The following HYDIN variants were observed in gnomAD, a reference collection of about 807,000 sequenced individuals.
The protein encoded by HYDIN is HYDIN axonemal central pair apparatus protein.
HYDIN carries 132 observed loss-of-function variants against 403.9 expected under a neutral mutation model. The observed-to-expected ratio is 0.33, with a 90% CI of 0.28 to 0.38. The LOEUF (loss-of-function observed/expected upper bound fraction) is 0.38. Among genes scored for constraint, HYDIN ranks in the 10% least tolerant of loss-of-function variants. The probability of loss-of-function intolerance (pLI) is 1.00; values close to 1 mark genes in which losing one functional copy is unlikely to be tolerated. For synonymous variants in HYDIN, 1,202 were observed against 1,891.7 expected, an observed-to-expected ratio of 0.64 and a Z score of 9.46; for missense variants, 2,827 against 5,009.5, an observed-to-expected ratio of 0.56 and a Z score of 13.15.
intron 50 of HYDIN, among the ~76,000 whole-genome samples, chr16:70,906,117 C>T (rs1013114760): frequency 2.0e-5 from 3 of 151,506 alleles, no homozygotes; most frequent in Non-Finnish European, 2.9e-5. Flanking sequence ...GGTTTCACTC[C>T]CTGCCTATAT....
At chr16:71,042,263 C>T (rs4788509) in intron 18 of HYDIN, among the ~76,000 whole-genome samples, 1 of 152,206 alleles carries the variant, frequency 6.6e-6, no homozygotes, top group Admixed American at 6.5e-5. Context: ...ATCCACTCTC[C>T]CATTTTTCCC....
At chr16:70,943,424 TTA>T (rs1316982886) in intron 42 of HYDIN, among the ~76,000 whole-genome samples, 2 of 152,160 alleles carry the variant, frequency 1.3e-5, no homozygotes, top group Non-Finnish European at 2.9e-5. Context: ...TAGAATGTTA[TTA>T]TGTTTTAACC....
intron 38 of HYDIN, among the ~76,000 whole-genome samples, chr16:70,960,324 T>C (rs938989738): frequency 6.6e-6 from 1 of 150,730 alleles, no homozygotes; most frequent in Non-Finnish European, 1.5e-5. Context: ...GCCATGTCCT[T>C]TGATTACATA....
chr16:70,833,111 T>C (rs554235632), intron 79 of HYDIN, 44 bp from the exon 80 acceptor site: 4 of 1,542,350 alleles, frequency 2.6e-6, no homozygotes, highest in South Asian at 2.4e-5. Flanking sequence ...TTATGGATGT[T>C]GTAAGGGTGT....
At chr16:71,222,211 C>A (rs2040835974) in intron 1 of HYDIN, among the ~76,000 whole-genome samples, 2 of 151,960 alleles carry the variant, frequency 1.3e-5, no homozygotes, top group African/African-American at 4.8e-5. Context: ...TGATATATCA[C>A]ATAAACAAAA....
intron 1 of HYDIN, among the ~76,000 whole-genome samples, chr16:71,212,564 T>A (rs1266728746): frequency 6.6e-6 from 1 of 152,166 alleles, no homozygotes; most frequent in Non-Finnish European, 1.5e-5. Context: ...GGAATTTAGA[T>A]ATTCCATGTA....
intron 12 of HYDIN, among the ~76,000 whole-genome samples, chr16:71,083,918 G>A (rs1347261059): frequency 3.1e-5 from 4 of 131,012 alleles, no homozygotes; most frequent in East Asian, 2.3e-4. Flanking sequence ...TTACTTTTGC[G>A]CTTTGGGGCC....
Position 70,874,862 on chromosome 16 carries a change from T to C in HYDIN, c.10615A>G (p.Thr3539Ala). 2 of 1,613,224 alleles carry C rather than the reference T, an allele frequency of 1.2e-6. No individual in the cohort carries two copies. Among genetic ancestry groups the C allele is most frequent in the Non-Finnish European group, 1.7e-6 (2 of 1,179,766 alleles). ...TCCTCTGTGATGTAGATATACGCGG[T>C]GGTGGGCCTCCCTTTCAGGGAGAAG... ...GVFSLKGRPT[T>A]AYIYITEENK... The change falls in exon 63 of 86, where the codon ACC becomes GCC. Residue 3539 changes from threonine (T) to alanine (A), a missense_variant. Thr to Ala is a moderately conservative substitution (Grantham distance 58). Coordinates refer to ENST00000393567, the MANE Select transcript of HYDIN (RefSeq NM_001270974.2).
chr16:71,027,397 A>G, intron 20 of HYDIN: 8 of 1,449,292 alleles, frequency 5.5e-6, no homozygotes, highest in Non-Finnish European at 7.2e-6. Flanking sequence ...GATTGGGTTC[A>G]CAGTAGCTAC....
At chr16:70,900,810 A>T (rs2076349814) in intron 53 of HYDIN, among the ~76,000 whole-genome samples, 194 bp downstream of exon 53, 1 of 141,868 alleles carries the variant, frequency 7.0e-6, no homozygotes, top group Non-Finnish European at 1.5e-5. Context: ...AATCAGCCAT[A>T]AGCAATATTG....
intron 18 of HYDIN, among the ~76,000 whole-genome samples, chr16:71,051,669 CA>C (rs72516476): frequency 3.7e-5 from 3 of 81,384 alleles, no homozygotes; most frequent in Admixed American, 1.1e-4. Flanking sequence ...ACAAAAAAAA[CA>C]AAAAAAAGAA....
intron 66 of HYDIN, among the ~76,000 whole-genome samples, chr16:70,867,944 C>T (rs2039855669): frequency 6.6e-6 from 1 of 152,074 alleles, no homozygotes; most frequent in African/African-American, 2.4e-5. Flanking sequence ...TTTGGGATTA[C>T]AGGCATGAGC....
chr16:70,850,843 C>G (rs1304084837), intron 73 of HYDIN, among the ~76,000 whole-genome samples, 188 bp from the exon 74 acceptor site: 1 of 152,072 alleles, frequency 6.6e-6, no homozygotes, highest in Non-Finnish European at 1.5e-5. Flanking sequence ...GACACACAGA[C>G]TAATGGAAAA....
At chr16:70,826,770 CTTTT>C (rs1202388311) in intron 83 of HYDIN, among the ~76,000 whole-genome samples, 1 of 142,972 alleles carries the variant, frequency 7.0e-6, no homozygotes, top group Non-Finnish European at 1.5e-5. Flanking sequence ...TAGATACTTT[CTTTT>C]TTTCTTTTTC....
At chr16:70,907,258 T>C in intron 50 of HYDIN, 114 bp downstream of exon 50, 2 of 545,268 alleles carry the variant, frequency 3.7e-6, no homozygotes, top group Non-Finnish European at 6.7e-6. Context: ...TGGTTGGGGC[T>C]AAGAGAGGCA....
At chr16:71,176,824 G>A (rs1218383830) in intron 4 of HYDIN, among the ~76,000 whole-genome samples, 1 of 152,172 alleles carries the variant, frequency 6.6e-6, no homozygotes, top group African/African-American at 2.4e-5. Flanking sequence ...CTCATCCTCT[G>A]TGTGTGAGGG....
intron 45 of HYDIN, among the ~76,000 whole-genome samples, chr16:70,927,984 C>A (rs1208026525): frequency 6.7e-6 from 1 of 150,100 alleles, no homozygotes; most frequent in African/African-American, 2.4e-5. Flanking sequence ...AAAACAAACA[C>A]CCAGGAATGT....
chr16:70,895,058 TA>T (rs1232806206), intron 54 of HYDIN, among the ~76,000 whole-genome samples: 1 of 151,732 alleles, frequency 6.6e-6, no homozygotes, highest in Non-Finnish European at 1.5e-5. Context: ...TTCATTGTTA[TA>T]AAAAATGCTG....
Position 70,938,634 on chromosome 16 carries a change from C to T in HYDIN, c.6975G>A (p.Ala2325=), listed in dbSNP as rs201850910. Residue 2325 remains alanine, a synonymous_variant, in exon 44 of 86, where the codon GCG becomes GCA. Coordinates refer to ENST00000393567, the MANE Select transcript of HYDIN (RefSeq NM_001270974.2). Reference sequence around the variant, plus strand: ...CTGACCTCTTCTTCCGCTCGCGGAGCGCCTGCTGAATCCCCCGATCGAATG... The same window carrying T: ...CTGACCTCTTCTTCCGCTCGCGGAGTGCCTGCTGAATCCCCCGATCGAATG... ...KLTFDRGIQQ[A]LRERKKREQE... is the part of the protein sequence containing the mutation. The T allele has an allele frequency of 1.9e-5, 30 of 1,600,912 alleles. No homozygotes were observed. Among genetic ancestry groups the T allele is most frequent in the East Asian group, 8.9e-5 (4 of 44,842 alleles).
Sources: allele counts gnomAD v4.1 joint callset (sites outside exome capture counted in the v4.1 genomes callset), GRCh38; gene constraint gnomAD v4.1.1; transcripts MANE v1.5; gene names NCBI Gene and HGNC (gene_info 2026-07-23, HGNC 2026-07-21).